PRICKLE2: variants seen among roughly 807,000 people sequenced by gnomAD.
PRICKLE2 encodes the protein prickle planar cell polarity protein 2, also known as prickle-like protein 2.
PRICKLE2 carries 21 observed loss-of-function variants against 81.4 expected under a neutral mutation model. The ratio of observed to expected loss-of-function variants is 0.26; its 90% confidence interval spans 0.18 to 0.37. PRICKLE2 has a LOEUF of 0.37. Among genes scored for constraint, PRICKLE2 ranks in the 10% least tolerant of loss-of-function variants. The pLI, the probability that PRICKLE2 is intolerant of heterozygous loss-of-function variation, is 1.00. For synonymous variants in PRICKLE2, 456 were observed against 421.5 expected, an observed-to-expected ratio of 1.08 and a Z score of -1.00; for missense variants, 940 against 1,109.0, an observed-to-expected ratio of 0.85 and a Z score of 2.16.
chr3:64,160,168 A>G lies in PRICKLE2; in HGVS notation c.259-91T>C, dbSNP rs547212146. 26 of 1,419,430 alleles carry G rather than the reference A, an allele frequency of 1.8e-5. No homozygotes were observed. The East Asian group carries it at 5.5e-4, about 30-fold the overall frequency. 87.9% of individuals were successfully genotyped at this position (1,419,430 alleles called of 1,614,324 possible). On this transcript the variant is annotated intron_variant, in intron 3 of 7. Coordinates refer to ENST00000638394, the MANE Select transcript of PRICKLE2 (RefSeq NM_198859.4). ...GACTCTGAGTTTTCTCGTTAAATAC[A>G]CTCTCATTTGGTTTTATAGCCCTCG... is the stretch of plus-strand genomic sequence containing the variant.
intron 2 of PRICKLE2, chr3:64,174,614 C>A: frequency 5.6e-6 from 1 of 177,102 alleles, no homozygotes; most frequent in South Asian, 1.5e-4. Flanking sequence ...CAGCCTTTGT[C>A]AATGCAGAGT....
chr3:64,112,179 C>T (rs908811360), intron 7 of PRICKLE2, among the ~76,000 whole-genome samples: 11 of 152,242 alleles, frequency 7.2e-5, no homozygotes, highest in Non-Finnish European at 1.0e-4. Context: ...TGCTCTTACC[C>T]TTGGCCAAAT....
At chr3:64,184,248 A>G (rs2078183364) in intron 2 of PRICKLE2, among the ~76,000 whole-genome samples, 1 of 152,228 alleles carries the variant, frequency 6.6e-6, no homozygotes, top group South Asian at 2.1e-4. Flanking sequence ...AAGGCAGGAA[A>G]CATTACTGTC....
At position 64,191,792 on chromosome 3, in the gene PRICKLE2, C is replaced by T. The variant is rs1458753293; in HGVS notation, c.144+6992G>A. Among the ~76,000 whole-genome samples, 5 of 152,274 alleles carry T rather than the reference C, an allele frequency of 3.3e-5. 1 individual carries two copies. In the South Asian group the frequency reaches 8.3e-4, roughly 25 times the overall value. On this transcript the variant is annotated intron_variant, in intron 2 of 7. Transcript: ENST00000638394. Reference sequence around the variant, plus strand: ...AGTAGTAGAGAGATTTGCCTGATTCCGGAAGCAAGGCTCTTCCCACTGGAC... The same window carrying T: ...AGTAGTAGAGAGATTTGCCTGATTCTGGAAGCAAGGCTCTTCCCACTGGAC...
intron 7 of PRICKLE2, among the ~76,000 whole-genome samples, chr3:64,125,063 CATA>C (rs1349385426): frequency 1.3e-5 from 2 of 152,074 alleles, no homozygotes; most frequent in East Asian, 1.9e-4. Context: ...TTAAAATATA[CATA>C]ATAATAGGAG....
chr3:64,178,995 C>CTT (rs1234585198), intron 2 of PRICKLE2, among the ~76,000 whole-genome samples: 1 of 147,112 alleles, frequency 6.8e-6, no homozygotes, highest in East Asian at 2.0e-4. Flanking sequence ...TTCTTTCTTT[C>CTT]TTTCTTTCTT....
At chr3:64,139,505 A>G (rs1011718293) in intron 7 of PRICKLE2, among the ~76,000 whole-genome samples, 3 of 152,196 alleles carry the variant, frequency 2.0e-5, no homozygotes, top group Non-Finnish European at 1.5e-5. Context: ...CCTGGGCTAC[A>G]CAGCCCCAGA....
chr3:64,236,142 A>G (rs1173425425), intron 2 of PRICKLE2, among the ~76,000 whole-genome samples: 1 of 152,196 alleles, frequency 6.6e-6, no homozygotes, highest in African/African-American at 2.4e-5. Context: ...TTTGTTGATT[A>G]AAGAGTCTAC....
At chr3:64,226,903 T>C (rs2079039616), upstream of PRICKLE2, among the ~76,000 whole-genome samples, 1 of 152,090 alleles carries the variant, frequency 6.6e-6, no homozygotes, top group Non-Finnish European at 1.5e-5. Flanking sequence ...GAGGGAGGAA[T>C]ATTCCATCAT....
At chr3:64,129,079 T>C (rs71298701) in intron 7 of PRICKLE2, among the ~76,000 whole-genome samples, 1,725 of 152,274 alleles carry the variant, frequency 0.011, 10 homozygotes, top group Non-Finnish European at 0.016. Flanking sequence ...ACCAACAATG[T>C]CTACAGATAC....
chr3:64,203,408 T>C (rs1438111403), intron 1 of PRICKLE2, among the ~76,000 whole-genome samples: 2 of 152,224 alleles, frequency 1.3e-5, no homozygotes, highest in Non-Finnish European at 2.9e-5. Flanking sequence ...TTTAAGTAAG[T>C]TGACTAAGCT....
chr3:64,260,355 G>C (rs548524440), intron 2 of PRICKLE2, among the ~76,000 whole-genome samples: 2 of 152,166 alleles, frequency 1.3e-5, no homozygotes, highest in Non-Finnish European at 2.9e-5. Context: ...CAGCAGCTAC[G>C]AGGGCAAGAG....
At chr3:64,130,358 G>C (rs144413485) in intron 7 of PRICKLE2, among the ~76,000 whole-genome samples, 257 of 152,284 alleles carry the variant, frequency 1.7e-3, no homozygotes, top group Non-Finnish European at 3.3e-3. Flanking sequence ...TTCAGGTTCA[G>C]AGTTTAGATA....
intron 7 of PRICKLE2, among the ~76,000 whole-genome samples, chr3:64,131,133 A>G (rs186220107): frequency 6.6e-6 from 1 of 152,376 alleles, no homozygotes; most frequent in African/African-American, 2.4e-5. Flanking sequence ...CCTTGGTCCC[A>G]GTCGCTGAAT....
At chr3:64,226,883 G>T (rs697292), upstream of PRICKLE2, among the ~76,000 whole-genome samples, 17,590 of 152,212 alleles carry the variant, frequency 0.12, 1,342 homozygotes, top group East Asian at 0.39. Context: ...GGAAAGGTTG[G>T]GGAGGCTGGG....
intron 2 of PRICKLE2, among the ~76,000 whole-genome samples, chr3:64,256,424 A>T (rs546144286): frequency 1.5e-3 from 236 of 152,316 alleles, no homozygotes; most frequent in Non-Finnish European, 2.8e-3. Flanking sequence ...TTGTTTTCTC[A>T]TTACACAAGT....
chr3:64,234,132 G>A (rs535817550), intron 2 of PRICKLE2, among the ~76,000 whole-genome samples: 2 of 151,924 alleles, frequency 1.3e-5, no homozygotes, highest in African/African-American at 4.8e-5. Flanking sequence ...GAACATTCAC[G>A]TATAAGTTTT....
Position 64,098,233 on chromosome 3 carries a change from GACA to G in PRICKLE2, c.*815_*817del, listed in dbSNP as rs1392890395. On this transcript the variant is annotated 3_prime_UTR_variant, in exon 8 of 8. Coordinates refer to ENST00000638394, the MANE Select transcript of PRICKLE2 (RefSeq NM_198859.4). ...ATGGCATTTCTCACAGAATTTTACT[GACA>G]CCGGTTGGTTTCTCTAATTGGCAAA... is the stretch of plus-strand genomic sequence containing the variant. 6.6e-6 allele frequency: 1 copy of G among 152,432 alleles called. No individual in the cohort carries two copies. The allele number at this position is 152,432 out of a possible 1,614,324, so 9.4% of individuals were successfully genotyped here.
At chr3:64,117,989 T>C (rs1158223371) in intron 7 of PRICKLE2, among the ~76,000 whole-genome samples, 1 of 152,172 alleles carries the variant, frequency 6.6e-6, no homozygotes, top group Non-Finnish European at 1.5e-5. Context: ...AGGATGGTAC[T>C]GGTAGAAAAA....
Sources: allele counts gnomAD v4.1 joint callset (sites outside exome capture counted in the v4.1 genomes callset), GRCh38; gene constraint gnomAD v4.1.1; transcripts MANE v1.5; gene names NCBI Gene and HGNC (gene_info 2026-07-23, HGNC 2026-07-21).